INPP4B: variants seen among roughly 807,000 people sequenced by gnomAD.
INPP4B encodes inositol polyphosphate 4-phosphatase type II.
INPP4B carries 55 observed loss-of-function variants against 122.5 expected under a neutral mutation model. The observed-to-expected ratio is 0.45, with a 90% CI of 0.36 to 0.56. INPP4B has a LOEUF of 0.56. Ranked by LOEUF, INPP4B falls within the 20% of genes least tolerant of loss-of-function variation. The pLI, the probability that INPP4B is intolerant of heterozygous loss-of-function variation, is 0.00. For synonymous variants in INPP4B, 403 were observed against 388.7 expected (o/e 1.04, Z -0.43); for missense variants, 1,000 against 1,097.7 (o/e 0.91, Z 1.26).
chr4:142,518,822 C>T (rs965181205), intron 2 of INPP4B: 4 of 152,290 alleles, frequency 2.6e-5, no homozygotes, highest in Non-Finnish European at 5.9e-5. Flanking sequence ...TGGTAGCAGA[C>T]CTTCTTGCTC....
chr4:142,094,585 T>C (rs3775630), intron 23 of INPP4B, among the ~76,000 whole-genome samples: 12,698 of 152,184 alleles, frequency 0.083, 639 homozygotes, highest in East Asian at 0.24. Flanking sequence ...TACACCAAGG[T>C]CAGATGACAG....
chr4:142,529,287 A>C (rs1358989717), intron 2 of INPP4B, among the ~76,000 whole-genome samples: 3 of 152,140 alleles, frequency 2.0e-5, no homozygotes, highest in African/African-American at 4.8e-5. Context: ...TGTAGTATCA[A>C]AGGATAATAT....
At chr4:142,076,167 G>T (rs1051991973) in intron 25 of INPP4B, among the ~76,000 whole-genome samples, 2 of 151,972 alleles carry the variant, frequency 1.3e-5, no homozygotes, top group Admixed American at 6.6e-5. Flanking sequence ...GAAAGAAATA[G>T]ACTTCAAAAT....
intron 1 of INPP4B, chr4:142,768,091 C>G (rs1772433192): frequency 6.6e-6 from 1 of 152,124 alleles, no homozygotes; most frequent in Non-Finnish European, 1.5e-5. Context: ...TTGTCTACCT[C>G]AAAAGCATTG....
At position 142,310,572 on chromosome 4, in the gene INPP4B, T is replaced by A. The variant is rs140287504; in HGVS notation, c.423+4140A>T. Among the ~76,000 whole-genome samples, 293 of 152,198 alleles carry A rather than the reference T, an allele frequency of 1.9e-3. 2 individuals carry two copies. The highest frequency in any genetic ancestry group is 6.4e-3 in the African/African-American group (268 of 41,552). ...ATAAAACAACACATAGGAACTATGG[T>A]ATAAGTTTTAAAAGGTCTCTGAAAA... On this transcript the variant is annotated intron_variant, in intron 8 of 25. Coordinates refer to ENST00000262992, the MANE Select transcript of INPP4B (RefSeq NM_001101669.3).
At chr4:142,329,073 T>C (rs1220648934) in intron 7 of INPP4B, among the ~76,000 whole-genome samples, 4 of 152,320 alleles carry the variant, frequency 2.6e-5, no homozygotes, top group South Asian at 2.1e-4. Context: ...ACAAGAGATA[T>C]GGTCATGAAC....
rs114058054 is a variant in INPP4B at position 142,097,679 on chromosome 4, A to C, written c.2374+10414T>G. On this transcript the variant is annotated intron_variant, in intron 23 of 25. Transcript: ENST00000262992. ...TGGCTCTTTACAGAAAAACTTTGCC[A>C]GCCATCCTACAGACTTTCTCAGAAC... Among the ~76,000 whole-genome samples the C allele has an allele frequency of 6.9e-3, 1,051 of 152,324 alleles. 6 individuals carry two copies. Among genetic ancestry groups the C allele is most frequent in the Non-Finnish European group, 0.012 (830 of 68,030 alleles).
chr4:142,033,299 G>A (rs1049661084), intron 25 of INPP4B, among the ~76,000 whole-genome samples: 1 of 152,132 alleles, frequency 6.6e-6, no homozygotes, highest in African/African-American at 2.4e-5. Context: ...TTATATACAA[G>A]TCAGGCACAT....
intron 7 of INPP4B, among the ~76,000 whole-genome samples, chr4:142,327,840 C>T (rs1471527571): frequency 6.6e-6 from 1 of 152,174 alleles, no homozygotes; most frequent in Non-Finnish European, 1.5e-5. Flanking sequence ...GAGAAGTTAA[C>T]TTTCTTCCCA....
At chr4:142,586,888 G>A (rs1048542552) in intron 2 of INPP4B, among the ~76,000 whole-genome samples, 2 of 152,072 alleles carry the variant, frequency 1.3e-5, no homozygotes, top group African/African-American at 4.8e-5. Context: ...GAAATAGCAT[G>A]TACAAAAGCC....
intron 3 of INPP4B, among the ~76,000 whole-genome samples, chr4:142,460,642 T>C (rs114407067): frequency 1.3e-5 from 2 of 152,176 alleles, no homozygotes; most frequent in Non-Finnish European, 2.9e-5. Flanking sequence ...AGCTGTCTCT[T>C]GTCTTTCTGG....
At chr4:142,682,214 C>T (rs970456528) in intron 2 of INPP4B, among the ~76,000 whole-genome samples, 2 of 151,714 alleles carry the variant, frequency 1.3e-5, no homozygotes, top group African/African-American at 4.8e-5. Flanking sequence ...GACACTTTTC[C>T]CCTCCAGAGA....
chr4:142,047,655 T>C (rs1192415835), intron 25 of INPP4B, among the ~76,000 whole-genome samples: 3 of 152,036 alleles, frequency 2.0e-5, no homozygotes, highest in African/African-American at 4.8e-5. Flanking sequence ...ATCTCTCCTC[T>C]CATCCCCCAT....
intron 25 of INPP4B, among the ~76,000 whole-genome samples, chr4:142,070,514 T>C (rs545650391): frequency 6.6e-6 from 1 of 151,990 alleles, no homozygotes; most frequent in East Asian, 1.9e-4. Context: ...AGGAAATAAA[T>C]GGTATTCAAT....
intron 2 of INPP4B, among the ~76,000 whole-genome samples, chr4:142,464,012 G>C (rs1817246018): frequency 1.3e-5 from 2 of 152,112 alleles, no homozygotes; most frequent in Non-Finnish European, 2.9e-5. Context: ...CACCCTATAA[G>C]GGAGGTACCA....
chr4:142,122,229 C>T lies in INPP4B; in HGVS notation c.2034G>A (p.Met678Ile), dbSNP rs1000775224. Residue 678 changes from methionine to isoleucine, a missense_variant, in exon 21 of 26, where the codon ATG becomes ATA. Coordinates refer to ENST00000262992, the MANE Select transcript of INPP4B (RefSeq NM_001101669.3). ...LLSTYSDEIG[M>I]LEDMAVGISD... is the part of the protein sequence containing the mutation. ...AAATGCCAACGGCCATGTCCTCTAG[C>T]ATTCCAATTTCATCGCCTAAACAAT... is the stretch of plus-strand genomic sequence containing the variant. 32 of 1,610,358 alleles carry T rather than the reference C, an allele frequency of 2.0e-5. No individual in the cohort carries two copies. Among genetic ancestry groups the T allele is most frequent in the Admixed American group, 1.7e-4 (10 of 59,364 alleles).
chr4:142,131,570 C>T (rs1177930684), intron 18 of INPP4B, among the ~76,000 whole-genome samples: 1 of 152,200 alleles, frequency 6.6e-6, no homozygotes, highest in African/African-American at 2.4e-5. Flanking sequence ...TAGGGCCTCA[C>T]GTCCATAGAT....
intron 1 of INPP4B, among the ~76,000 whole-genome samples, chr4:142,769,874 A>T (rs1772763203): frequency 6.6e-6 from 1 of 152,172 alleles, no homozygotes; most frequent in Non-Finnish European, 1.5e-5. Flanking sequence ...AGATCCCACC[A>T]CTGTGCTCCA....
intron 2 of INPP4B, among the ~76,000 whole-genome samples, chr4:142,635,403 C>T (rs980962615): frequency 1.3e-5 from 2 of 152,138 alleles, no homozygotes; most frequent in East Asian, 3.9e-4. Flanking sequence ...AAGACACATG[C>T]ACATTAATGT....
Sources: allele counts gnomAD v4.1 joint callset (sites outside exome capture counted in the v4.1 genomes callset), GRCh38; gene constraint gnomAD v4.1.1; transcripts MANE v1.5; gene names NCBI Gene and HGNC (gene_info 2026-07-23, HGNC 2026-07-21).